RSRC1: variants seen among roughly 807,000 people sequenced by gnomAD.
The protein encoded by RSRC1 is arginine and serine rich coiled-coil 1, also known as serine/Arginine-related protein 53.
A neutral mutation model predicts 49.1 loss-of-function variants in RSRC1; 39 were observed. The observed-to-expected ratio is 0.79, with a 90% confidence interval of 0.61 to 1.04. RSRC1 has a LOEUF of 1.04. Among genes scored for constraint, RSRC1 ranks in the 50% least tolerant of loss-of-function variants. RSRC1 has a pLI of 0.00. For synonymous variants in RSRC1, 143 were observed against 130.8 expected (o/e 1.09, Z -0.63); for missense variants, 388 against 402.4 (o/e 0.96, Z 0.31).
intron 4 of RSRC1, among the ~76,000 whole-genome samples, chr3:158,221,976 G>A (rs73879821): frequency 6.6e-6 from 1 of 151,434 alleles, no homozygotes; most frequent in African/African-American, 2.4e-5. Context: ...AAATGTTTTG[G>A]AAAACTGATG....
At chr3:158,285,306 A>G (rs1351091850) in intron 4 of RSRC1, among the ~76,000 whole-genome samples, 2 of 152,144 alleles carry the variant, frequency 1.3e-5, no homozygotes, top group Non-Finnish European at 2.9e-5. Flanking sequence ...GCCTTGTCGT[A>G]TAGTTTGAAG....
At chr3:158,297,521 A>C (rs1004163474) in intron 4 of RSRC1, among the ~76,000 whole-genome samples, 1 of 152,030 alleles carries the variant, frequency 6.6e-6, no homozygotes, top group African/African-American at 2.4e-5. Flanking sequence ...AAAATAGGAT[A>C]AGATTTAGTT....
At chr3:158,444,026 C>T (rs1736535812) in intron 6 of RSRC1, among the ~76,000 whole-genome samples, 2 of 152,078 alleles carry the variant, frequency 1.3e-5, no homozygotes, top group African/African-American at 4.8e-5. Flanking sequence ...TTGTGGCATC[C>T]CAAAACACAG....
At chr3:158,399,571 T>G (rs1331193320) in intron 6 of RSRC1, among the ~76,000 whole-genome samples, 1 of 152,176 alleles carries the variant, frequency 6.6e-6, no homozygotes, top group Non-Finnish European at 1.5e-5. Context: ...CTATTTACAT[T>G]TAAATTTAAA....
intron 3 of RSRC1, among the ~76,000 whole-genome samples, chr3:158,184,940 T>G (rs2108257414): frequency 6.6e-6 from 1 of 152,148 alleles, no homozygotes; most frequent in African/African-American, 2.4e-5. Flanking sequence ...ATTTTTGTTT[T>G]ATTTTTTAAT....
At chr3:158,419,424 A>G (rs1000890763) in intron 6 of RSRC1, among the ~76,000 whole-genome samples, 10 of 151,946 alleles carry the variant, frequency 6.6e-5, no homozygotes, top group Non-Finnish European at 2.9e-5. Flanking sequence ...CTTCATTGTC[A>G]TAGGTGACAG....
intron 4 of RSRC1, among the ~76,000 whole-genome samples, chr3:158,292,931 T>C (rs1727019587): frequency 6.6e-6 from 1 of 152,194 alleles, no homozygotes; most frequent in African/African-American, 2.4e-5. Flanking sequence ...TATTTTGTAG[T>C]AGTGTTTAAA....
intron 8 of RSRC1, among the ~76,000 whole-genome samples, chr3:158,542,851 T>C (rs1713116815): frequency 6.6e-6 from 1 of 152,218 alleles, no homozygotes; most frequent in African/African-American, 2.4e-5. Context: ...AGGCTATTTT[T>C]CTAAAGATAA....
At chr3:158,286,325 A>G (rs1423146242) in intron 4 of RSRC1, among the ~76,000 whole-genome samples, 1 of 152,228 alleles carries the variant, frequency 6.6e-6, no homozygotes, top group African/African-American at 2.4e-5. Context: ...AGTGTGATCT[A>G]CTGAATCTCT....
intron 7 of RSRC1, among the ~76,000 whole-genome samples, chr3:158,481,216 A>G (rs1339855727): frequency 6.6e-6 from 1 of 152,098 alleles, no homozygotes; most frequent in African/African-American, 2.4e-5. Context: ...CACCTAAGTC[A>G]TGTTACGTAT....
chr3:158,515,847 T>C (rs1740490868), intron 7 of RSRC1, among the ~76,000 whole-genome samples: 1 of 152,296 alleles, frequency 6.6e-6, no homozygotes, highest in Non-Finnish European at 1.5e-5. Context: ...ATTTCATTCA[T>C]TTCATCTTCC....
At chr3:158,239,801 G>A (rs191155324) in intron 4 of RSRC1, among the ~76,000 whole-genome samples, 258 of 152,236 alleles carry the variant, frequency 1.7e-3, no homozygotes, top group African/African-American at 5.2e-3. Context: ...GGTCAGATAT[G>A]TGTTGTGAAT....
chr3:158,474,937 A>T (rs1469697610), intron 7 of RSRC1, among the ~76,000 whole-genome samples: 3 of 151,952 alleles, frequency 2.0e-5, no homozygotes, highest in Non-Finnish European at 2.9e-5. Flanking sequence ...GGTGGTTGAG[A>T]TAGGGTCTTG....
chr3:158,152,042 G>T, intron 3 of RSRC1, among the ~76,000 whole-genome samples: 1 of 150,606 alleles, frequency 6.6e-6, no homozygotes, highest in African/African-American at 2.4e-5. Context: ...TTAATTTTCT[G>T]TACTTATAAA....
chr3:158,202,397 C>G (rs942213457), intron 3 of RSRC1, among the ~76,000 whole-genome samples: 1 of 150,602 alleles, frequency 6.6e-6, no homozygotes, highest in South Asian at 2.1e-4. Context: ...GTTGAATAGG[C>G]TCAGAAGGAA....
intron 6 of RSRC1, among the ~76,000 whole-genome samples, chr3:158,375,470 G>A (rs985928423): frequency 1.3e-5 from 2 of 151,468 alleles, no homozygotes; most frequent in East Asian, 3.9e-4. Flanking sequence ...CCAAATTACA[G>A]GCTCAAATTA....
intron 6 of RSRC1, among the ~76,000 whole-genome samples, chr3:158,378,940 T>C (rs982427246): frequency 2.0e-5 from 3 of 152,356 alleles, no homozygotes; most frequent in African/African-American, 7.2e-5. Flanking sequence ...AAATGGTTAC[T>C]GACTACACTG....
At chr3:158,374,686 C>T (rs1284460548) in intron 6 of RSRC1, among the ~76,000 whole-genome samples, 1 of 152,178 alleles carries the variant, frequency 6.6e-6, no homozygotes, top group Non-Finnish European at 1.5e-5. Flanking sequence ...TTATACATGT[C>T]TAATGTTTTC....
At chr3:158,454,648 G>A (rs1340677633) in intron 6 of RSRC1, among the ~76,000 whole-genome samples, 1 of 151,996 alleles carries the variant, frequency 6.6e-6, no homozygotes, top group African/African-American at 2.4e-5. Context: ...AAAAACTTCT[G>A]TTTACCTTAT....
Sources: allele counts gnomAD v4.1 joint callset (sites outside exome capture counted in the v4.1 genomes callset), GRCh38; gene constraint gnomAD v4.1.1; transcripts MANE v1.5; gene names NCBI Gene and HGNC (gene_info 2026-07-23, HGNC 2026-07-21).